GRID2: variants seen among roughly 807,000 people sequenced by gnomAD.
The protein encoded by GRID2 is glutamate ionotropic receptor delta type subunit 2, also known as glutamate receptor ionotropic, delta-2.
Under a neutral mutation model 114.8 loss-of-function variants are expected in GRID2, and 33 were observed. The ratio of observed to expected loss-of-function variants is 0.29; its 90% CI spans 0.22 to 0.38. The LOEUF (loss-of-function observed/expected upper bound fraction) is 0.38, where lower values mean the gene tolerates loss of function less well. Among genes scored for constraint, GRID2 ranks in the 10% least tolerant of loss-of-function variants. GRID2 has a pLI of 1.00. For missense variants in GRID2, 1,184 were observed against 1,257.7 expected, an observed-to-expected ratio of 0.94 and a Z score of 0.89; for synonymous variants, 505 against 449.9, an observed-to-expected ratio of 1.12 and a Z score of -1.55.
chr4:92,371,858 G>T (rs1002071648), intron 1 of GRID2, among the ~76,000 whole-genome samples: 4 of 152,102 alleles, frequency 2.6e-5, no homozygotes, highest in African/African-American at 9.7e-5. Flanking sequence ...CTTCTGGAAA[G>T]GATTTACCAT....
At chr4:93,779,342 A>G (rs1734434455), downstream of GRID2, among the ~76,000 whole-genome samples, 1 of 152,080 alleles carries the variant, frequency 6.6e-6, no homozygotes, top group Non-Finnish European at 1.5e-5. Flanking sequence ...TACTATTAGC[A>G]CGGTACCCTA....
intron 1 of GRID2, among the ~76,000 whole-genome samples, chr4:92,392,138 CTA>C (rs1208417771): frequency 1.3e-5 from 2 of 152,130 alleles, no homozygotes; most frequent in Non-Finnish European, 2.9e-5. Flanking sequence ...TAGCCTGAGC[CTA>C]TATCATCTTT....
At chr4:92,711,371 A>T (rs1248759215) in intron 2 of GRID2, among the ~76,000 whole-genome samples, 1 of 152,114 alleles carries the variant, frequency 6.6e-6, no homozygotes, top group Non-Finnish European at 1.5e-5. Flanking sequence ...TGGGGGCTTG[A>T]CTAAGAAAAT....
At chr4:93,501,624 T>A (rs1369708927) in intron 12 of GRID2, among the ~76,000 whole-genome samples, 1 of 152,020 alleles carries the variant, frequency 6.6e-6, no homozygotes, top group Non-Finnish European at 1.5e-5. Context: ...AAATTAAAAC[T>A]TCCTAGAAGT....
At chr4:92,739,872 G>A (rs186695028) in intron 2 of GRID2, among the ~76,000 whole-genome samples, 23 of 152,070 alleles carry the variant, frequency 1.5e-4, no homozygotes, top group Admixed American at 5.2e-4. Flanking sequence ...TAAGTATGCT[G>A]AAACTGATAT....
chr4:93,026,941 C>A (rs545488098), intron 2 of GRID2, among the ~76,000 whole-genome samples: 4 of 152,038 alleles, frequency 2.6e-5, no homozygotes, highest in Admixed American at 2.6e-4. Context: ...AATAGGCAAT[C>A]TGTGAAGATG....
chr4:92,919,521 G>C (rs1317984287), intron 2 of GRID2, among the ~76,000 whole-genome samples: 2 of 152,120 alleles, frequency 1.3e-5, no homozygotes, highest in East Asian at 3.9e-4. Context: ...ACACTGCTTT[G>C]AATGTGTCCC....
At chr4:93,187,658 T>C (rs1740563021) in intron 4 of GRID2, among the ~76,000 whole-genome samples, 1 of 152,178 alleles carries the variant, frequency 6.6e-6, no homozygotes. Context: ...AAATCAGATA[T>C]GGGTGTGACT....
intron 8 of GRID2, among the ~76,000 whole-genome samples, chr4:93,317,283 G>T (rs573816479): frequency 4.9e-4 from 75 of 151,588 alleles, no homozygotes; most frequent in African/African-American, 1.8e-3. Context: ...GTTCATAAGG[G>T]ATTAGCTTGC....
intron 2 of GRID2, among the ~76,000 whole-genome samples, chr4:92,685,346 G>A (rs532697750): frequency 1.3e-3 from 194 of 152,086 alleles, no homozygotes; most frequent in Non-Finnish European, 2.2e-3. Context: ...GTAAATACAA[G>A]TGAAAGATGC....
chr4:92,971,190 A>G (rs943159709), intron 2 of GRID2, among the ~76,000 whole-genome samples: 5 of 152,042 alleles, frequency 3.3e-5, no homozygotes, highest in African/African-American at 1.2e-4. Flanking sequence ...CTTTAGAAAT[A>G]AATCTCTGTA....
chr4:92,526,958 A>G (rs1725073275), intron 1 of GRID2, among the ~76,000 whole-genome samples: 1 of 152,118 alleles, frequency 6.6e-6, no homozygotes, highest in East Asian at 1.9e-4. Context: ...GCATCTATAT[A>G]GATATAAAAT....
intron 2 of GRID2, among the ~76,000 whole-genome samples, chr4:92,955,345 T>C (rs1324718580): frequency 6.6e-6 from 1 of 152,188 alleles, no homozygotes; most frequent in East Asian, 1.9e-4. Flanking sequence ...GTGGATTTGA[T>C]TTGCATTTCT....
intron 8 of GRID2, among the ~76,000 whole-genome samples, chr4:93,319,084 C>T (rs1042158406): frequency 1.3e-5 from 2 of 151,990 alleles, no homozygotes; most frequent in South Asian, 2.1e-4. Flanking sequence ...GGATGCTAAT[C>T]ATTGGTTCTT....
intron 1 of GRID2, among the ~76,000 whole-genome samples, chr4:93,795,491 C>T (rs1734779047): frequency 6.6e-6 from 1 of 151,876 alleles, no homozygotes; most frequent in African/African-American, 2.4e-5. Context: ...TGCTAAAGAA[C>T]ATGGTCCTTC....
At chr4:93,691,067 A>G (rs948771204) in intron 14 of GRID2, among the ~76,000 whole-genome samples, 9 of 151,266 alleles carry the variant, frequency 5.9e-5, no homozygotes, top group Admixed American at 4.6e-4. Context: ...TCTTTTTCTG[A>G]TTATAAAAAA....
chr4:93,271,072 C>T (rs994960030), intron 8 of GRID2, among the ~76,000 whole-genome samples: 11 of 152,220 alleles, frequency 7.2e-5, no homozygotes, highest in African/African-American at 2.2e-4. Flanking sequence ...GATTTGAACT[C>T]GCAGTGTTTA....
At chr4:93,372,471 T>A (rs969043055) in intron 8 of GRID2, among the ~76,000 whole-genome samples, 1 of 152,162 alleles carries the variant, frequency 6.6e-6, no homozygotes, top group African/African-American at 2.4e-5. Context: ...TCCAAGATAT[T>A]GTGTCCTGCT....
intron 8 of GRID2, among the ~76,000 whole-genome samples, chr4:93,359,827 G>C (rs1005352560): frequency 1.6e-5 from 2 of 126,576 alleles, no homozygotes; most frequent in African/African-American, 6.0e-5. Context: ...TCAGTAATGG[G>C]AAGGCAGTAG....
Sources: gnomAD v4.1 joint callset for allele counts (sites outside exome capture counted in the v4.1 genomes callset) on GRCh38, gnomAD v4.1.1 for gene constraint, MANE v1.5 for transcripts, NCBI Gene and HGNC (gene_info 2026-07-23, HGNC 2026-07-21) for gene names.